The following REXO1 variants were observed in gnomAD, a reference collection of about 807,000 sequenced individuals.
REXO1 encodes REX1, RNA exonuclease 1 homolog.
A neutral mutation model predicts 102.6 loss-of-function variants in REXO1; 42 were observed. That is an observed-to-expected ratio of 0.41 (90% CI 0.32 to 0.53). The LOEUF (loss-of-function observed/expected upper bound fraction) is 0.53. Ranked by LOEUF, REXO1 falls within the 20% of genes least tolerant of loss-of-function variation. REXO1 has a pLI of 0.27. For missense variants in REXO1, 1,819 were observed against 1,732.5 expected, an observed-to-expected ratio of 1.05 and a Z score of -0.89; for synonymous variants, 908 against 779.1, an observed-to-expected ratio of 1.17 and a Z score of -2.76.
chr19:1,827,089 G>A lies in REXO1; in HGVS notation c.1700C>T (p.Pro567Leu), dbSNP rs878933207. The change falls in exon 2 of 16, where the codon CCC becomes CTC. Residue 567 changes from proline (P) to leucine (L), a missense_variant. Coordinates refer to ENST00000170168, the MANE Select transcript of REXO1 (RefSeq NM_020695.4). ...GGGCGGGGAGGCCTTGAGCCGCTTGGGCGGCCCCTGCGCCTCCGGGAAGCC... is the reference window on the plus strand; with the variant it reads ...GGGCGGGGAGGCCTTGAGCCGCTTGAGCGGCCCCTGCGCCTCCGGGAAGCC... ...SLGFPEAQGP[P>L]KRLKASPPPS... 4 of 1,541,272 alleles carry A rather than the reference G, an allele frequency of 2.6e-6. No homozygotes were observed. The East Asian group carries it at 7.3e-5, about 28-fold the overall frequency.
chr19:1,827,082 C>A lies in REXO1; in HGVS notation c.1707G>T (p.Arg569=). The A allele has an allele frequency of 3.9e-6, 6 of 1,541,392 alleles. No homozygotes were observed. The highest frequency in any genetic ancestry group is 5.2e-6 in the Non-Finnish European group (6 of 1,145,388). Residue 569 remains arginine (R), a synonymous_variant, in exon 2 of 16, where the codon CGG becomes CGT. Coordinates refer to ENST00000170168, the MANE Select transcript of REXO1 (RefSeq NM_020695.4). Reference sequence around the variant, plus strand: ...GGGAGGGGGGCGGGGAGGCCTTGAGCCGCTTGGGCGGCCCCTGCGCCTCCG... The same window carrying A: ...GGGAGGGGGGCGGGGAGGCCTTGAGACGCTTGGGCGGCCCCTGCGCCTCCG... The part of the protein sequence containing the change: ...GFPEAQGPPK[R]LKASPPPSPA...
Position 1,816,512 on chromosome 19 carries a change from G to C in REXO1, c.3375C>G (p.Val1125=), listed in dbSNP as rs1398781933. 6.2e-7 allele frequency: 1 copy of C among 1,612,368 alleles called. No individual in the cohort carries two copies. The highest frequency in any genetic ancestry group is 1.3e-5 in the African/African-American group (1 of 74,994). ...TGAACATGCTCAGCAGAACGGCCTG[G>C]ACGTCACGCAGCGTGACACTTGTGT... ...LADTSVTLRD[V]QAVLLSMFSA... Residue 1125 remains valine, a synonymous_variant, in exon 14 of 16, where the codon GTC becomes GTG. Coordinates refer to ENST00000170168, the MANE Select transcript of REXO1 (RefSeq NM_020695.4).
rs1461215342 is a variant in REXO1, at chr19:1,828,199, C to A, written c.590G>T (p.Gly197Val). 6.2e-7 allele frequency: 1 copy of A among 1,605,954 alleles called. No individual in the cohort carries two copies. Among genetic ancestry groups the A allele is most frequent in the Admixed American group, 1.7e-5 (1 of 58,236 alleles). Residue 197 changes from glycine to valine, a missense_variant, in exon 2 of 16, where the codon GGT becomes GTT. Coordinates refer to ENST00000170168, the MANE Select transcript of REXO1 (RefSeq NM_020695.4). ...AGCCTTGGGGACGTATTCCAGGGCACCGCCACCCCCTCCACCTCTGCCCTG... is the reference window on the plus strand; with the variant it reads ...AGCCTTGGGGACGTATTCCAGGGCAACGCCACCCCCTCCACCTCTGCCCTG... ...RGQGRGGGGG[G>V]ALEYVPKAVS...
At chr19:1,823,545 G>A in intron 4 of REXO1, 27 bp downstream of exon 4, 3 of 1,283,108 alleles carry the variant, frequency 2.3e-6, no homozygotes, top group Non-Finnish European at 3.0e-6. Flanking sequence ...CGGCCCCCCG[G>A]CACAGGCCCC....
chr19:1,835,013 A>G (rs763719800), intron 1 of REXO1: 16 of 416,526 alleles, frequency 3.8e-5, no homozygotes. Flanking sequence ...GAAGTTTCAC[A>G]CAGGAAGTTG....
chr19:1,828,060 C>G lies in REXO1; in HGVS notation c.729G>C (p.Arg243=). ...CCCGGGAGCTGGCCCTGCTGAGGTGCCGGGCCGAGTAGTTGGAGAGAGGGT... is the reference window on the plus strand; with the variant it reads ...CCCGGGAGCTGGCCCTGCTGAGGTGGCGGGCCGAGTAGTTGGAGAGAGGGT... ...EYDPLSNYSA[R]HLSRASSRDE... The change falls in exon 2 of 16, where the codon CGG becomes CGC. Residue 243 remains arginine (R), a synonymous_variant. Transcript: ENST00000170168. The G allele has an allele frequency of 1.9e-6, 3 of 1,613,126 alleles. No homozygotes were observed. The highest frequency in any genetic ancestry group is 2.5e-6 in the Non-Finnish European group (3 of 1,179,830).
rs1255842823 is a variant in REXO1, at chr19:1,827,219, C to T, written c.1570G>A (p.Asp524Asn). ...CCTGCGGCCTCGTCCTCACTCTCGT[C>T]CCCAAAGAGGTCGGCGTGGCTCAGG... ...RALSHADLFG[D>N]ESEDEAAGPG... Residue 524 changes from aspartate (D) to asparagine (N), a missense_variant, in exon 2 of 16, where the codon GAC becomes AAC. By Grantham distance (23) the Asp-to-Asn change is conservative (BLOSUM62 1). Coordinates refer to ENST00000170168, the MANE Select transcript of REXO1 (RefSeq NM_020695.4). 6.5e-7 allele frequency: 1 copy of T among 1,543,542 alleles called. No homozygotes were observed. Among genetic ancestry groups the T allele is most frequent in the Non-Finnish European group, 8.7e-7 (1 of 1,148,872 alleles).
chr19:1,833,388 C>T (rs1386943681), intron 1 of REXO1, among the ~76,000 whole-genome samples: 1 of 152,220 alleles, frequency 6.6e-6, no homozygotes, highest in Non-Finnish European at 1.5e-5. Flanking sequence ...TGCCAGGCTA[C>T]AGCCAAGGCA....
At chr19:1,848,118 A>C in intron 1 of REXO1, 84 bp downstream of exon 1, 1 of 688,886 alleles carries the variant, frequency 1.5e-6, no homozygotes, top group Non-Finnish European at 2.0e-6. Context: ...TGGGCCGAGA[A>C]CGGGGACCCC....
chr19:1,825,082 G>A (rs1230876853), intron 3 of REXO1, among the ~76,000 whole-genome samples: 6 of 148,798 alleles, frequency 4.0e-5, no homozygotes, highest in South Asian at 2.2e-4. Flanking sequence ...TTGGGAGGCC[G>A]AGGTAGGCAG....
At chr19:1,843,628 G>A (rs1057058027) in intron 1 of REXO1, among the ~76,000 whole-genome samples, 15 of 152,190 alleles carry the variant, frequency 9.9e-5, no homozygotes, top group Non-Finnish European at 1.6e-4. Context: ...AATCACCCCC[G>A]GGTCCTCATA....
At position 1,825,959 on chromosome 19, in the gene REXO1, G is replaced by A. The variant is rs781186353; in HGVS notation, c.1912-16C>T. The A allele has an allele frequency of 1.9e-5, 30 of 1,581,888 alleles. No individual in the cohort carries two copies. The highest frequency in any genetic ancestry group is 1.3e-4 in the East Asian group (6 of 44,640). On this transcript the variant is annotated splice_polypyrimidine_tract_variant and intron_variant, in intron 2 of 15. Transcript: ENST00000170168. ...CCTTGGGGGGCTAAGACACATGTCC[G>A]TCCGTCAGCACAGGTCTGCCCTCGC...
intron 10 of REXO1, among the ~76,000 whole-genome samples, chr19:1,818,105 G>A (rs967884810): frequency 3.3e-5 from 5 of 152,198 alleles, no homozygotes; most frequent in Admixed American, 6.5e-5. Context: ...TGCCCTGAGC[G>A]TGGCTGCGTG....
chr19:1,821,475 G>A (rs761941345), intron 5 of REXO1, 44 bp downstream of exon 5: 39 of 1,610,320 alleles, frequency 2.4e-5, no homozygotes, highest in East Asian at 1.8e-4. Context: ...GCCTCAGGGC[G>A]TGGTCTTGGG....
intron 3 of REXO1, 128 bp downstream of exon 3, chr19:1,825,711 G>A (rs1599139141): frequency 1.6e-6 from 1 of 643,608 alleles, no homozygotes; most frequent in African/African-American, 1.8e-5. Context: ...CCTGGCCTCA[G>A]GTGATCCACC....
chr19:1,819,853 G>A, intron 7 of REXO1, 81 bp downstream of exon 7: 3 of 1,397,212 alleles, frequency 2.1e-6, no homozygotes, highest in Non-Finnish European at 2.9e-6. Context: ...TCAGGGCTGT[G>A]AAGGTCCCAG....
chr19:1,827,291 G>C lies in REXO1; in HGVS notation c.1498C>G (p.Leu500Val), dbSNP rs1190855844. 7 of 1,564,454 alleles carry C rather than the reference G, an allele frequency of 4.5e-6. No homozygotes were observed. Among genetic ancestry groups the C allele is most frequent in the African/African-American group, 1.4e-5 (1 of 73,736 alleles). ...GCGTCCTGGGAGGCGCCCTCGTCTA[G>C]TGAGCGGGCTTTCCGCTCCACTAGC... is the stretch of plus-strand genomic sequence containing the variant. ...GKLVERKARS[L>V]DEGASQDAPK... The change falls in exon 2 of 16, where the codon CTA becomes GTA. Residue 500 changes from leucine (L) to valine (V), a missense_variant. Leu to Val is a conservative substitution (Grantham distance 32). Transcript: ENST00000170168.
chr19:1,835,579 C>A (rs1381239656), intron 1 of REXO1, among the ~76,000 whole-genome samples: 1 of 152,126 alleles, frequency 6.6e-6, no homozygotes, highest in Non-Finnish European at 1.5e-5. Flanking sequence ...CACACACATA[C>A]ATAAATGAAT....
At position 1,819,001 on chromosome 19, in the gene REXO1, C is replaced by A; in HGVS notation, c.2764+17G>T. On this transcript the variant is annotated intron_variant, in intron 8 of 15. Transcript: ENST00000170168. Reference sequence around the variant, plus strand: ...GCCCACGAAGCACCGTGTGGCAGAGCAGGGGCAGGGCCTTACCTTTCAGGT... The same window carrying A: ...GCCCACGAAGCACCGTGTGGCAGAGAAGGGGCAGGGCCTTACCTTTCAGGT... 6.3e-7 allele frequency: 1 copy of A among 1,592,178 alleles called. No homozygotes were observed. The highest frequency in any genetic ancestry group is 8.6e-7 in the Non-Finnish European group (1 of 1,167,720).
Sources: allele counts gnomAD v4.1 joint callset (sites outside exome capture counted in the v4.1 genomes callset), GRCh38; gene constraint gnomAD v4.1.1; transcripts MANE v1.5; gene names NCBI Gene and HGNC (gene_info 2026-07-23, HGNC 2026-07-21).